Variants in SHANK2 observed in about 807,000 individuals in gnomAD.
SHANK2 encodes SH3 and multiple ankyrin repeat domains protein 2.
SHANK2 carries 43 observed loss-of-function variants against 133.7 expected under a neutral mutation model. That is an observed-to-expected ratio of 0.32 (90% CI 0.25 to 0.41). The LOEUF (loss-of-function observed/expected upper bound fraction) is 0.41, where lower values mean the gene tolerates loss of function less well. SHANK2 is among the 10% of genes least tolerant of loss of function. The pLI is 1.00. For missense variants in SHANK2, 1,994 were observed against 2,235.8 expected, an observed-to-expected ratio of 0.89 and a Z score of 2.18; for synonymous variants, 1,017 against 952.8, an observed-to-expected ratio of 1.07 and a Z score of -1.24.
chr11:70,586,498 C>CAA (rs1332356651), intron 17 of SHANK2, among the ~76,000 whole-genome samples: 1 of 152,132 alleles, frequency 6.6e-6, no homozygotes, highest in Non-Finnish European at 1.5e-5. Context: ...GCTTGTCACT[C>CAA]AGAGCTGGGC....
intron 3 of SHANK2, among the ~76,000 whole-genome samples, chr11:71,123,803 C>T (rs1364215175): frequency 6.6e-6 from 1 of 152,328 alleles, no homozygotes; most frequent in East Asian, 1.9e-4. Context: ...AGTCCCAACC[C>T]TGGCCAACTC....
chr11:70,862,629 C>A (rs1477028532), intron 11 of SHANK2, among the ~76,000 whole-genome samples: 1 of 151,092 alleles, frequency 6.6e-6, no homozygotes, highest in Admixed American at 6.6e-5. Flanking sequence ...ATGGACTGGA[C>A]TGGACTGGCT....
At chr11:70,677,660 G>A (rs574347293) in intron 15 of SHANK2, among the ~76,000 whole-genome samples, 3 of 152,208 alleles carry the variant, frequency 2.0e-5, no homozygotes, top group Non-Finnish European at 4.4e-5. Context: ...CCAAGAAGCG[G>A]GCAGGCAGGG....
At chr11:70,812,008 G>A (rs1042294953) in intron 12 of SHANK2, among the ~76,000 whole-genome samples, 18 of 152,250 alleles carry the variant, frequency 1.2e-4, no homozygotes, top group African/African-American at 3.4e-4. Flanking sequence ...AAAAGCGGAT[G>A]ATCAGGAGTA....
chr11:70,647,395 G>C (rs1427351070), intron 17 of SHANK2: 1 of 152,238 alleles, frequency 6.6e-6, no homozygotes, highest in Non-Finnish European at 1.5e-5. Flanking sequence ...CCTGACAGGT[G>C]GCACAGGAGG....
At position 70,500,352 on chromosome 11, in the gene SHANK2, AAC is replaced by A. The variant is rs1237012626; in HGVS notation, c.2308+216_2308+217del. The stretch of plus-strand genomic sequence containing the variant: ...CGATGTGAACACAGGTCAGGGAAGA[AAC>A]ACAGGACACGCTGGGGAATCACAGA... On this transcript the variant is annotated intron_variant, in intron 21 of 25. Coordinates refer to ENST00000601538, the MANE Select transcript of SHANK2 (RefSeq NM_012309.5). The surrounding 1 kb of genome is among the most constrained non-coding windows in gnomAD (Gnocchi z 4.5). Among the ~76,000 whole-genome samples, 1 of 152,070 alleles carries A rather than the reference AAC, an allele frequency of 6.6e-6. No homozygotes were observed. The highest frequency in any genetic ancestry group is 1.9e-4 in the East Asian group (1 of 5,174).
At chr11:70,604,597 G>A (rs2136341742) in intron 17 of SHANK2, 1 of 152,358 alleles carries the variant, frequency 6.6e-6, no homozygotes, top group East Asian at 1.9e-4. Flanking sequence ...GAGACAATGA[G>A]GACCGCACTG....
At position 70,739,985 on chromosome 11, in the gene SHANK2, G is replaced by A. The variant is rs1309323537; in HGVS notation, c.1778-41222C>T. On this transcript the variant is annotated intron_variant, in intron 14 of 25. Coordinates refer to ENST00000601538, the MANE Select transcript of SHANK2 (RefSeq NM_012309.5). The surrounding 1 kb of genome is among the most constrained non-coding windows in gnomAD (Gnocchi z 4.3). ...GCTCCTTCGCCATCAGGAGACCTTG[G>A]ACAGTCACACGACCCAGACCAGGGG... 6.6e-6 allele frequency among the ~76,000 whole-genome samples: 1 copy of A among 152,212 alleles called. No homozygotes were observed. Among genetic ancestry groups the A allele is most frequent in the Non-Finnish European group, 1.5e-5 (1 of 68,040 alleles).
intron 14 of SHANK2, among the ~76,000 whole-genome samples, chr11:70,766,293 C>T (rs982317865): frequency 6.6e-6 from 1 of 152,222 alleles, no homozygotes; most frequent in African/African-American, 2.4e-5. Flanking sequence ...CAGCTCTGGA[C>T]TGCTGCCCTC....
intron 14 of SHANK2, among the ~76,000 whole-genome samples, chr11:70,730,718 C>G (rs913815158): frequency 2.0e-5 from 3 of 152,198 alleles, no homozygotes; most frequent in Non-Finnish European, 4.4e-5. Context: ...CACCAACTCC[C>G]AAATCATCCA....
At chr11:70,728,295 C>T (rs564197303) in intron 14 of SHANK2, among the ~76,000 whole-genome samples, 2 of 152,334 alleles carry the variant, frequency 1.3e-5, no homozygotes, top group Admixed American at 6.5e-5. Context: ...CAAAGAGGAT[C>T]CCTCTGGGAT....
chr11:70,588,555 C>A (rs1018317264), intron 17 of SHANK2, among the ~76,000 whole-genome samples: 3 of 152,212 alleles, frequency 2.0e-5, no homozygotes, highest in Non-Finnish European at 4.4e-5. Flanking sequence ...CCACAACATT[C>A]CCTTAAGCCA....
Position 70,661,855 on chromosome 11 carries a change from G to T in SHANK2, c.1854-177C>A, listed in dbSNP as rs1944550512. 2.6e-6 allele frequency: 4 copies of T among 1,568,428 alleles called. No individual in the cohort carries two copies. In the African/African-American group the frequency reaches 4.0e-5, roughly 16 times the overall value. Reference sequence around the variant, plus strand: ...TGCAGGAGGAGCGAAGGAAGAGGGGGGTGGCTACCGGGATAGGCGAGCGTG... The same window carrying T: ...TGCAGGAGGAGCGAAGGAAGAGGGGTGTGGCTACCGGGATAGGCGAGCGTG... On this transcript the variant is annotated intron_variant, in intron 15 of 25. Coordinates refer to ENST00000601538, the MANE Select transcript of SHANK2 (RefSeq NM_012309.5).
chr11:70,570,583 T>A (rs1174610054), intron 17 of SHANK2: 1 of 152,472 alleles, frequency 6.6e-6, no homozygotes, highest in Non-Finnish European at 1.5e-5. Context: ...CAGGCCCGGG[T>A]CTGCCTCCAC....
intron 12 of SHANK2, among the ~76,000 whole-genome samples, chr11:70,808,158 G>C (rs1204424668): frequency 6.6e-6 from 1 of 152,116 alleles, no homozygotes; most frequent in Non-Finnish European, 1.5e-5. Flanking sequence ...ATGGTTCTAA[G>C]GTGATAAATT....
chr11:70,862,843 C>T (rs192680496), intron 11 of SHANK2: 1 of 275,338 alleles, frequency 3.6e-6, no homozygotes, highest in Admixed American at 5.1e-5. Flanking sequence ...CAGCAGGACA[C>T]AGTCTAGAGT....
chr11:70,914,209 G>A (rs955477488), intron 10 of SHANK2, among the ~76,000 whole-genome samples: 1 of 152,072 alleles, frequency 6.6e-6, no homozygotes, highest in Non-Finnish European at 1.5e-5. Flanking sequence ...CCGGAAATCG[G>A]GCTCTGGGGC....
At chr11:70,610,709 C>T (rs567952222) in intron 17 of SHANK2, among the ~76,000 whole-genome samples, 1 of 152,216 alleles carries the variant, frequency 6.6e-6, no homozygotes, top group Non-Finnish European at 1.5e-5. Flanking sequence ...CGGCACAATG[C>T]CAGCCCAGAG....
chr11:70,515,231 G>A (rs1217475293), intron 17 of SHANK2, among the ~76,000 whole-genome samples: 2 of 152,246 alleles, frequency 1.3e-5, no homozygotes, highest in South Asian at 2.1e-4. Context: ...TAGAAATGTG[G>A]TTTCACCATG....
Sources: allele counts gnomAD v4.1 joint callset (sites outside exome capture counted in the v4.1 genomes callset), GRCh38; gene constraint gnomAD v4.1.1; non-coding constraint Gnocchi (gnomAD v3.1); transcripts MANE v1.5; gene names NCBI Gene and HGNC (gene_info 2026-07-23, HGNC 2026-07-21).